Variants in CTDSPL2 observed in about 807,000 individuals in gnomAD.
CTDSPL2 encodes the protein CTD small phosphatase like 2, also known as CTD small phosphatase-like protein 2.
A neutral mutation model predicts 60.0 loss-of-function variants in CTDSPL2; 5 were observed. The observed-to-expected ratio is 0.08, with a 90% CI of 0.04 to 0.18. The LOEUF (loss-of-function observed/expected upper bound fraction) is 0.18, where lower values mean the gene tolerates loss of function less well. Ranked by LOEUF, CTDSPL2 falls within the 10% of genes least tolerant of loss-of-function variation. The pLI is 1.00. For synonymous variants in CTDSPL2, 186 were observed against 189.3 expected, an observed-to-expected ratio of 0.98 and a Z score of 0.14; for missense variants, 370 against 548.8, an observed-to-expected ratio of 0.67 and a Z score of 3.26.
intron 7 of CTDSPL2, among the ~76,000 whole-genome samples, chr15:44,497,737 G>A (rs549550262): frequency 1.3e-5 from 2 of 152,288 alleles, no homozygotes; most frequent in South Asian, 4.1e-4. Flanking sequence ...GCTCATGCCT[G>A]TAATCCTAGA....
rs2081895398 is a variant in CTDSPL2 at position 44,527,595 on chromosome 15, A to C, written c.*3421A>C. On this transcript the variant is annotated 3_prime_UTR_variant, in exon 13 of 13. Coordinates refer to ENST00000260327, the MANE Select transcript of CTDSPL2 (RefSeq NM_016396.3). The stretch of plus-strand genomic sequence containing the variant: ...TTAATTGTACTAATATGATGGTGTT[A>C]TATACTACATCATTAGCTAGTTAAG... The C allele has an allele frequency of 6.6e-6, 1 of 152,184 alleles. No homozygotes were observed. Among genetic ancestry groups the C allele is most frequent in the Non-Finnish European group, 1.5e-5 (1 of 68,000 alleles). The allele number at this position is 152,184 out of a possible 1,614,324, so 9.4% of individuals were successfully genotyped here.
At chr15:44,480,714 T>C (rs2081011630) in intron 2 of CTDSPL2, among the ~76,000 whole-genome samples, 1 of 152,026 alleles carries the variant, frequency 6.6e-6, no homozygotes, top group Non-Finnish European at 1.5e-5. Flanking sequence ...GTGTCTGTAT[T>C]CCTAGCTGCT....
intron 2 of CTDSPL2, among the ~76,000 whole-genome samples, chr15:44,476,814 G>A (rs555050444): frequency 3.3e-5 from 5 of 152,284 alleles, no homozygotes; most frequent in Non-Finnish European, 5.9e-5. Context: ...GTTATGTGAT[G>A]CATTACTTTA....
chr15:44,447,696 A>G (rs368624408), intron 1 of CTDSPL2: 1 of 153,520 alleles, frequency 6.5e-6, no homozygotes, highest in Middle Eastern at 1.3e-3. Flanking sequence ...TGGACTTCAC[A>G]TTCTTCATCT....
At chr15:44,491,773 C>T (rs944209124) in intron 5 of CTDSPL2, among the ~76,000 whole-genome samples, 10 of 152,140 alleles carry the variant, frequency 6.6e-5, no homozygotes, top group African/African-American at 2.4e-4. Context: ...TGGGGCCAGG[C>T]ATGATGGCTG....
At chr15:44,457,525 A>C (rs569671646) in intron 1 of CTDSPL2, among the ~76,000 whole-genome samples, 3 of 146,704 alleles carry the variant, frequency 2.0e-5, no homozygotes, top group African/African-American at 7.6e-5. Context: ...GACTACCAAA[A>C]CTCTCCATGT....
At position 44,484,265 on chromosome 15, in the gene CTDSPL2, T is replaced by A; in HGVS notation, c.228T>A (p.Arg76=). Reference sequence around the variant, plus strand: ...CTTCAAAACGGAGTAGAATTGAACGTGATATAGATAACAATTTGATCACGT... The same window carrying A: ...CTTCAAAACGGAGTAGAATTGAACGAGATATAGATAACAATTTGATCACGT... ...ENPSKRSRIE[R]DIDNNLITST... is the part of the protein sequence containing the mutation. The change falls in exon 3 of 13, where the codon CGT becomes CGA. Residue 76 remains arginine, a synonymous_variant. Transcript: ENST00000260327. 1 of 1,612,406 alleles carries A rather than the reference T, an allele frequency of 6.2e-7. No individual in the cohort carries two copies. The highest frequency in any genetic ancestry group is 8.5e-7 in the Non-Finnish European group (1 of 1,178,858).
intron 1 of CTDSPL2, among the ~76,000 whole-genome samples, chr15:44,457,656 A>G (rs183032128): frequency 1.3e-5 from 2 of 152,062 alleles, no homozygotes; most frequent in African/African-American, 4.8e-5. Context: ...CTGTTGCCCA[A>G]GCTGGAGTGC....
chr15:44,462,700 C>CTTTTTTTTTT (rs554319789), intron 2 of CTDSPL2, among the ~76,000 whole-genome samples: 1 of 83,746 alleles, frequency 1.2e-5, no homozygotes, highest in East Asian at 3.2e-4. Flanking sequence ...ACACTCAGGA[C>CTTTTTTTTTT]TTTTTTTTTT....
intron 1 of CTDSPL2, among the ~76,000 whole-genome samples, chr15:44,444,072 A>AT (rs1376536832): frequency 6.6e-6 from 1 of 151,376 alleles, no homozygotes; most frequent in Non-Finnish European, 1.5e-5. Context: ...TGCCTGGCTA[A>AT]TTTTTTTAGT....
intron 5 of CTDSPL2, among the ~76,000 whole-genome samples, chr15:44,495,160 G>A (rs2081277420): frequency 6.6e-6 from 1 of 152,004 alleles, no homozygotes; most frequent in Admixed American, 6.6e-5. Context: ...TATAGAAATG[G>A]GGTTTCTCCA....
At chr15:44,505,164 G>T (rs2081439576) in intron 8 of CTDSPL2, among the ~76,000 whole-genome samples, 1 of 152,128 alleles carries the variant, frequency 6.6e-6, no homozygotes, top group Admixed American at 6.5e-5. Flanking sequence ...AGGTGTGGTG[G>T]CTCATGCCTG....
Position 44,490,806 on chromosome 15 carries a change from A to G in CTDSPL2, c.498A>G (p.Pro166=), listed in dbSNP as rs34612266. 3.1e-3 allele frequency: 4,940 copies of G among 1,612,968 alleles called. 144 individuals are homozygous for G. The African/African-American group carries it at 0.056, about 18-fold the overall frequency. ...CAGGAACGTCAGGATCAGATTCTCC[A>G]GGACAGGCTGTGGAAGCTGAAGAAA... ...NKNGTSGSDS[P]GQAVEAEEIV... is the part of the protein sequence containing the mutation. The change falls in exon 5 of 13, where the codon CCA becomes CCG. Residue 166 remains proline, a synonymous_variant. Coordinates refer to ENST00000260327, the MANE Select transcript of CTDSPL2 (RefSeq NM_016396.3).
intron 1 of CTDSPL2, among the ~76,000 whole-genome samples, chr15:44,457,589 C>G (rs1045148834): frequency 5.6e-5 from 7 of 126,014 alleles, no homozygotes; most frequent in African/African-American, 2.1e-4. Context: ...TGGTGTGGCA[C>G]TTTTTTGGTT....
intron 1 of CTDSPL2, among the ~76,000 whole-genome samples, chr15:44,439,401 C>A (rs778716113): frequency 2.6e-5 from 4 of 152,062 alleles, no homozygotes; most frequent in South Asian, 2.1e-4. Context: ...CCTGCCCCCC[C>A]ATCCCCAGCC....
At chr15:44,506,003 G>A (rs1028438255) in intron 8 of CTDSPL2, among the ~76,000 whole-genome samples, 1 of 144,912 alleles carries the variant, frequency 6.9e-6, no homozygotes, top group Non-Finnish European at 1.5e-5. Flanking sequence ...TTTCCCTGAT[G>A]AAAATTATGC....
intron 11 of CTDSPL2, 21 bp from the exon 12 acceptor site, chr15:44,521,290 A>C (rs1555441388): frequency 8.8e-7 from 1 of 1,141,942 alleles, no homozygotes; most frequent in Non-Finnish European, 1.3e-6. Context: ...AGAGGATTTA[A>C]TTACTTATTT....
intron 2 of CTDSPL2, among the ~76,000 whole-genome samples, chr15:44,466,844 C>T (rs1456736015): frequency 6.6e-6 from 1 of 151,902 alleles, no homozygotes; most frequent in African/African-American, 2.4e-5. Flanking sequence ...GAGGCTGAGG[C>T]AGGAGAATGG....
chr15:44,439,062 A>T (rs528409011), intron 1 of CTDSPL2, among the ~76,000 whole-genome samples: 1 of 152,046 alleles, frequency 6.6e-6, no homozygotes, highest in East Asian at 1.9e-4. Context: ...ATGATGCCTA[A>T]ATTGTATCAT....
Sources: gnomAD v4.1 joint callset for allele counts (sites outside exome capture counted in the v4.1 genomes callset) on GRCh38, gnomAD v4.1.1 for gene constraint, MANE v1.5 for transcripts, NCBI Gene and HGNC (gene_info 2026-07-23, HGNC 2026-07-21) for gene names.